SLC22A14: variants seen among roughly 807,000 people sequenced by gnomAD.
SLC22A14 encodes the protein organic cation transporter-like 4.
SLC22A14 carries 50 observed loss-of-function variants against 53.9 expected under a neutral mutation model. That is an observed-to-expected ratio of 0.93 (90% CI 0.74 to 1.17). SLC22A14 has a LOEUF of 1.17. Ranked by LOEUF, SLC22A14 falls within the 50% of genes most tolerant of loss-of-function variation. SLC22A14 has a pLI of 0.00. For synonymous variants in SLC22A14, 312 were observed against 303.0 expected (o/e 1.03, Z -0.31); for missense variants, 671 against 734.7 (o/e 0.91, Z 1.00).
At chr3:38,300,779 G>A (rs1413439048) in intron 1 of SLC22A14, among the ~76,000 whole-genome samples, 1 of 152,170 alleles carries the variant, frequency 6.6e-6, no homozygotes, top group African/African-American at 2.4e-5. Flanking sequence ...AAGATGTTCA[G>A]CATAAGGCAT....
At chr3:38,295,383 G>T (rs1214082380) in intron 1 of SLC22A14, among the ~76,000 whole-genome samples, 1 of 152,222 alleles carries the variant, frequency 6.6e-6, no homozygotes, top group Non-Finnish European at 1.5e-5. Context: ...TCCTCTAAAA[G>T]TTACTTTTCT....
intron 1 of SLC22A14, among the ~76,000 whole-genome samples, chr3:38,301,068 C>CT (rs1458247740): frequency 2.0e-5 from 3 of 152,166 alleles, no homozygotes; most frequent in Admixed American, 2.0e-4. Flanking sequence ...TTTCTCCCCC[C>CT]TCAGCCTCCC....
rs576438142 is a variant in SLC22A14, at chr3:38,297,185, T to C, written c.1-8842T>C. Among the ~76,000 whole-genome samples the C allele has an allele frequency of 2.0e-5, 3 of 152,340 alleles. 1 individual carries two copies. The South Asian group carries it at 6.2e-4, about 32-fold the overall frequency. ...TCCTGGTTTTGCCTAATTAGCATTTTAGTGAGCTCTCTTTACTACCTGTTT... is the reference window on the plus strand; with the variant it reads ...TCCTGGTTTTGCCTAATTAGCATTTCAGTGAGCTCTCTTTACTACCTGTTT... On this transcript the variant is annotated intron_variant, in intron 1 of 10. Transcript: ENST00000448498.
upstream of SLC22A14, among the ~76,000 whole-genome samples, chr3:38,280,070 T>G (rs1163786136): frequency 6.6e-6 from 1 of 152,216 alleles, no homozygotes; most frequent in African/African-American, 2.4e-5. Context: ...CATCACAGCC[T>G]GAATTTCCAC....
At chr3:38,299,637 A>C (rs911904241) in intron 1 of SLC22A14, among the ~76,000 whole-genome samples, 1 of 152,252 alleles carries the variant, frequency 6.6e-6, no homozygotes, top group Non-Finnish European at 1.5e-5. Context: ...TTCATAGCTC[A>C]TGGCAGCTTC....
intron 1 of SLC22A14, among the ~76,000 whole-genome samples, chr3:38,287,037 T>G (rs1468337285): frequency 2.0e-5 from 3 of 152,088 alleles, no homozygotes; most frequent in African/African-American, 7.2e-5. Context: ...GTGCTTGGCT[T>G]GATTTGTGGT....
At chr3:38,288,749 A>G (rs1703844150) in intron 1 of SLC22A14, among the ~76,000 whole-genome samples, 1 of 152,216 alleles carries the variant, frequency 6.6e-6, no homozygotes, top group South Asian at 2.1e-4. Context: ...AAAAATTAAT[A>G]ATAGTCATCC....
At chr3:38,305,942 T>A in intron 1 of SLC22A14, 85 bp from the exon 2 acceptor site, 2 of 1,390,198 alleles carry the variant, frequency 1.4e-6, no homozygotes, top group Non-Finnish European at 2.0e-6. Context: ...CAGAGGCCAG[T>A]TCCTAGTCGG....
intron 1 of SLC22A14, among the ~76,000 whole-genome samples, chr3:38,287,849 TTTTC>T (rs1299530920): frequency 6.6e-6 from 1 of 150,914 alleles, no homozygotes; most frequent in Non-Finnish European, 1.5e-5. Context: ...CTACATTTAC[TTTTC>T]TTTCTTCATA....
At chr3:38,286,070 C>T (rs948827337) in intron 1 of SLC22A14, among the ~76,000 whole-genome samples, 5 of 152,236 alleles carry the variant, frequency 3.3e-5, no homozygotes, top group Admixed American at 2.0e-4. Context: ...CCGTCCTACC[C>T]AGTCTCTACT....
Position 38,307,504 on chromosome 3 carries a change from TC to T in SLC22A14, c.621-60del, listed in dbSNP as rs940727005. The T allele has an allele frequency of 1.2e-6, 2 of 1,600,510 alleles. No individual in the cohort carries two copies. Among genetic ancestry groups the T allele is most frequent in the Non-Finnish European group, 1.7e-6 (2 of 1,171,820 alleles). ...TGGCTCAGGGCCTGGCCCAGGTGTA[TC>T]CGGCTGGGGCCAGCCCGGGAGATCC... On this transcript the variant is annotated intron_variant, in intron 3 of 10. Coordinates refer to ENST00000448498, the MANE Select transcript of SLC22A14 (RefSeq NM_001320033.2). This position sits in a 1 kb window ranked among gnomAD's most constrained non-coding sequence, Gnocchi z 4.4.
intron 5 of SLC22A14, among the ~76,000 whole-genome samples, chr3:38,309,329 G>T (rs916299930): frequency 6.6e-6 from 1 of 152,220 alleles, no homozygotes; most frequent in Non-Finnish European, 1.5e-5. Context: ...GACCCTCAAA[G>T]AGATGTTAGA....
chr3:38,313,662 C>A, intron 7 of SLC22A14, 65 bp from the exon 8 acceptor site: 1 of 416,278 alleles, frequency 2.4e-6, no homozygotes, highest in East Asian at 7.4e-5. Flanking sequence ...CTGCCTCTGT[C>A]TTTATTCCTG....
rs80251409 is a variant in SLC22A14, at chr3:38,286,926, C to T, written c.-1+4587C>T. Among the ~76,000 whole-genome samples, 394 of 150,320 alleles carry T rather than the reference C, an allele frequency of 2.6e-3. 3 individuals are homozygous for T. The highest frequency in any genetic ancestry group is 8.2e-3 in the African/African-American group (336 of 40,826). The stretch of plus-strand genomic sequence containing the variant: ...TTTGTATTTTTTTTTTACTGGAGAC[C>T]GGGTTTCACCACATTGGCCAGGCTG... On this transcript the variant is annotated intron_variant, in intron 1 of 10. Coordinates refer to ENST00000448498, the MANE Select transcript of SLC22A14 (RefSeq NM_001320033.2).
At position 38,306,109 on chromosome 3, in the gene SLC22A14, A is replaced by G. The variant is rs770378599; in HGVS notation, c.83A>G (p.His28Arg). The G allele has an allele frequency of 1.7e-5, 27 of 1,614,148 alleles. No homozygotes were observed. Among genetic ancestry groups the G allele is most frequent in the Non-Finnish European group, 2.3e-5 (27 of 1,180,004 alleles). Residue 28 changes from histidine to arginine, a missense_variant, in exon 2 of 11, where the codon CAT becomes CGT. Transcript: ENST00000448498. ...RNLNQHEVAG[H>R]PHSWSLEMLL... The stretch of plus-strand genomic sequence containing the variant: ...TTGAACCAGCATGAGGTAGCAGGAC[A>G]TCCACATTCCTGGTCTCTGGAGATG...
intron 1 of SLC22A14, among the ~76,000 whole-genome samples, chr3:38,284,418 C>T (rs928609972): frequency 6.6e-6 from 1 of 152,188 alleles, no homozygotes; most frequent in Non-Finnish European, 1.5e-5. Context: ...GCTCGGCCTC[C>T]CCACAGATCC....
chr3:38,293,065 G>T (rs1256042781), intron 1 of SLC22A14, among the ~76,000 whole-genome samples: 1 of 152,116 alleles, frequency 6.6e-6, no homozygotes, highest in Non-Finnish European at 1.5e-5. Context: ...GCTCTGTGAG[G>T]GTGATGGCAT....
chr3:38,296,812 A>T (rs1264584594), intron 1 of SLC22A14, among the ~76,000 whole-genome samples: 1 of 152,224 alleles, frequency 6.6e-6, no homozygotes, highest in Non-Finnish European at 1.5e-5. Flanking sequence ...CTGTGCAGGA[A>T]CAATGGCAAG....
chr3:38,307,109 C>A lies in SLC22A14; in HGVS notation c.517-145C>A. ...CAGAGGGGTTGCAGAGGTAACAGAG[C>A]AGAGGCAACAGCTGAGGCACGCTGC... On this transcript the variant is annotated intron_variant, in intron 2 of 10. Coordinates refer to ENST00000448498, the MANE Select transcript of SLC22A14 (RefSeq NM_001320033.2). This position sits in a 1 kb window ranked among gnomAD's most constrained non-coding sequence, Gnocchi z 4.4. 2 of 675,058 alleles carry A rather than the reference C, an allele frequency of 3.0e-6. No homozygotes were observed. Among genetic ancestry groups the A allele is most frequent in the Non-Finnish European group, 5.4e-6 (2 of 367,604 alleles). 41.8% of individuals were successfully genotyped at this position (675,058 alleles called of 1,614,324 possible).
Sources: allele counts gnomAD v4.1 joint callset (sites outside exome capture counted in the v4.1 genomes callset), GRCh38; gene constraint gnomAD v4.1.1; non-coding constraint Gnocchi (gnomAD v3.1); transcripts MANE v1.5; gene names NCBI Gene and HGNC (gene_info 2026-07-23, HGNC 2026-07-21).